Variants in TPR observed in about 807,000 individuals in gnomAD.
The protein encoded by TPR is translocated promoter region, nuclear basket protein, also known as nucleoprotein TPR.
A neutral mutation model predicts 316.1 loss-of-function variants in TPR; 51 were observed. The ratio of observed to expected loss-of-function variants is 0.16; its 90% CI spans 0.13 to 0.20. TPR has a LOEUF of 0.20. TPR is among the 10% of genes least tolerant of loss of function. The pLI, the probability that TPR is intolerant of heterozygous loss-of-function variation, is 1.00. For missense variants in TPR, 2,272 were observed against 2,754.8 expected, an observed-to-expected ratio of 0.82 and a Z score of 3.92; for synonymous variants, 981 against 914.7, an observed-to-expected ratio of 1.07 and a Z score of -1.31.
chr1:186,360,998 G>C, intron 9 of TPR, 93 bp from the exon 10 acceptor site: 1 of 1,285,740 alleles, frequency 7.8e-7, no homozygotes. Flanking sequence ...CCCCTCAGCA[G>C]ATAATATTAA....
chr1:186,314,197 T>G lies in TPR; in HGVS notation c.7037-171A>C, dbSNP rs1249154773. Reference sequence around the variant, plus strand: ...ACAAGCAGATTAATCCCTCTTTTTGTGACACAAGTACAATCTAAAAGTTAT... The same window carrying G: ...ACAAGCAGATTAATCCCTCTTTTTGGGACACAAGTACAATCTAAAAGTTAT... On this transcript the variant is annotated intron_variant, in intron 50 of 50. Transcript: ENST00000367478. The G allele has an allele frequency of 5.1e-6, 3 of 583,388 alleles. No homozygotes were observed. In the African/African-American group the frequency reaches 5.6e-5, roughly 11 times the overall value. 36.1% of individuals were successfully genotyped at this position (583,388 alleles called of 1,614,324 possible).
At chr1:186,318,922 A>T in intron 46 of TPR, 94 bp from the exon 47 acceptor site, 1 of 1,169,874 alleles carries the variant, frequency 8.5e-7, no homozygotes, top group Non-Finnish European at 1.2e-6. Flanking sequence ...ATTATTGGAG[A>T]TATACAACTT....
intron 45 of TPR, among the ~76,000 whole-genome samples, chr1:186,321,167 A>G (rs1657765085): frequency 6.6e-6 from 1 of 152,184 alleles, no homozygotes; most frequent in African/African-American, 2.4e-5. Flanking sequence ...GACTTTCAGA[A>G]GGAAGGAGCT....
Position 186,336,392 on chromosome 1 carries a change from A to C in TPR, c.4705+104T>G, listed in dbSNP as rs77630827. ...TTAAAGCACACATACACACACAAAC[A>C]CCCTTCATAAGTAGATACCTTTTAT... On this transcript the variant is annotated intron_variant, in intron 33 of 50. Transcript: ENST00000367478. 751 of 1,065,800 alleles carry C rather than the reference A, an allele frequency of 7.0e-4. 4 individuals carry two copies. In the African/African-American group the frequency reaches 0.011, roughly 15 times the overall value. The allele number at this position is 1,065,800 out of a possible 1,614,324, so 66.0% of individuals were successfully genotyped here.
At chr1:186,334,574 A>T (rs1449715249) in intron 35 of TPR, 41 bp from the exon 36 acceptor site, 1 of 1,579,518 alleles carries the variant, frequency 6.3e-7, no homozygotes, top group South Asian at 1.1e-5. Flanking sequence ...ATAACAAATT[A>T]TTATGCAAAT....
At chr1:186,317,211 T>C (rs762401263) in intron 49 of TPR, among the ~76,000 whole-genome samples, 1 of 152,256 alleles carries the variant, frequency 6.6e-6, no homozygotes, top group Non-Finnish European at 1.5e-5. Context: ...AAAACATATG[T>C]TGACAACCAA....
intron 33 of TPR, among the ~76,000 whole-genome samples, chr1:186,336,153 T>C (rs1346996962): frequency 6.6e-6 from 1 of 152,078 alleles, no homozygotes; most frequent in African/African-American, 2.4e-5. Flanking sequence ...GGTAAAGATC[T>C]TTATGCAGTC....
chr1:186,313,170 T>C lies in TPR; in HGVS notation c.*801A>G, dbSNP rs1334272189. The C allele has an allele frequency of 4.3e-6, 2 of 462,882 alleles. No individual in the cohort carries two copies. The highest frequency in any genetic ancestry group is 8.0e-6 in the Non-Finnish European group (2 of 251,470). 28.7% of individuals were successfully genotyped at this position (462,882 alleles called of 1,614,324 possible). ...TGACAATAGTATTTTACTTCTATCA[T>C]TTGTGGCATTTAACAGATACCTTGT... On this transcript the variant is annotated 3_prime_UTR_variant, in exon 51 of 51. Coordinates refer to ENST00000367478, the MANE Select transcript of TPR (RefSeq NM_003292.3).
At chr1:186,364,004 G>A (rs970853958) in intron 4 of TPR, among the ~76,000 whole-genome samples, 1 of 152,092 alleles carries the variant, frequency 6.6e-6, no homozygotes, top group African/African-American at 2.4e-5. Context: ...TGTTTTGAGT[G>A]TCTGTATAGA....
At chr1:186,354,865 A>G (rs1205707435) in intron 17 of TPR, among the ~76,000 whole-genome samples, 1 of 151,948 alleles carries the variant, frequency 6.6e-6, no homozygotes, top group Non-Finnish European at 1.5e-5. Flanking sequence ...AGGAAGGTAA[A>G]CTACCAACAT....
At chr1:186,341,572 CA>C (rs1261650360) in intron 27 of TPR, 183 bp from the exon 28 acceptor site, 2 of 543,018 alleles carry the variant, frequency 3.7e-6, no homozygotes, top group Admixed American at 3.6e-5. Context: ...AGACTTTAAA[CA>C]AATACAAGAA....
At chr1:186,364,542 AAT>A (rs1659281097) in intron 4 of TPR, among the ~76,000 whole-genome samples, 1 of 152,226 alleles carries the variant, frequency 6.6e-6, no homozygotes, top group Admixed American at 6.5e-5. Context: ...TATAGACTCT[AAT>A]ATGATACGAG....
Position 186,347,463 on chromosome 1 carries a change from A to C in TPR, c.2777-5T>G, listed in dbSNP as rs1287598686. 5 of 1,613,140 alleles carry C rather than the reference A, an allele frequency of 3.1e-6. No individual in the cohort carries two copies. The highest frequency in any genetic ancestry group is 4.2e-6 in the Non-Finnish European group (5 of 1,179,622). On this transcript the variant is annotated splice_polypyrimidine_tract_variant and splice_region_variant and intron_variant, in intron 21 of 50. Transcript: ENST00000367478. ...CTTCTTTGTTGCTAGGCTGACCTAA[A>C]AGACATAACAGCTCTGTTAAAATTA...
At chr1:186,354,810 A>G (rs1043468566) in intron 17 of TPR, among the ~76,000 whole-genome samples, 3 of 152,182 alleles carry the variant, frequency 2.0e-5, no homozygotes, top group Non-Finnish European at 4.4e-5. Flanking sequence ...CATCTGGTGC[A>G]TTTTTAAAAG....
At chr1:186,321,805 C>G (rs1657783724) in intron 45 of TPR, among the ~76,000 whole-genome samples, 1 of 152,156 alleles carries the variant, frequency 6.6e-6, no homozygotes, top group Admixed American at 6.5e-5. Flanking sequence ...TTAGCTTTCA[C>G]AAGAATACTA....
At position 186,325,744 on chromosome 1, in the gene TPR, A is replaced by G. The variant is rs1657907175; in HGVS notation, c.6112+20T>C. 39 of 1,597,214 alleles carry G rather than the reference A, an allele frequency of 2.4e-5. No homozygotes were observed. The highest frequency in any genetic ancestry group is 3.3e-5 in the Non-Finnish European group (38 of 1,167,128). Reference sequence around the variant, plus strand: ...AATACCAGAGATATTCAATTCAAAAAAGGCTAATAAAAATCTCACCACTGT... The same window carrying G: ...AATACCAGAGATATTCAATTCAAAAGAGGCTAATAAAAATCTCACCACTGT... On this transcript the variant is annotated intron_variant, in intron 42 of 50. Transcript: ENST00000367478.
At chr1:186,319,942 G>T (rs1657728920) in intron 46 of TPR, among the ~76,000 whole-genome samples, 1 of 152,092 alleles carries the variant, frequency 6.6e-6, no homozygotes, top group African/African-American at 2.4e-5. Context: ...TGTTACAAGT[G>T]TCAAGCTGTA....
At chr1:186,373,514 C>A in intron 1 of TPR, 51 bp from the exon 2 acceptor site, 15 of 1,071,270 alleles carry the variant, frequency 1.4e-5, no homozygotes, top group Non-Finnish European at 2.0e-5. Flanking sequence ...CATGTACATA[C>A]ATTGTGAATA....
chr1:186,325,717 A>T, intron 42 of TPR, 47 bp downstream of exon 42: 1 of 1,485,548 alleles, frequency 6.7e-7, no homozygotes, highest in South Asian at 1.2e-5. Flanking sequence ...TCTAGTTTAG[A>T]AAATACCAGA....
Sources: gnomAD v4.1 joint callset for allele counts (sites outside exome capture counted in the v4.1 genomes callset) on GRCh38, gnomAD v4.1.1 for gene constraint, MANE v1.5 for transcripts, NCBI Gene and HGNC (gene_info 2026-07-23, HGNC 2026-07-21) for gene names.